Variants in RBMS3 observed in about 807,000 individuals in gnomAD.
RBMS3 encodes the protein RNA binding motif single stranded interacting protein 3, also known as RNA-binding motif, single-stranded-interacting protein 3.
RBMS3 carries 27 observed loss-of-function variants against 66.8 expected under a neutral mutation model. That is an observed-to-expected ratio of 0.40 (90% CI 0.30 to 0.56). RBMS3 has a LOEUF of 0.56. RBMS3 is among the 20% of genes least tolerant of loss of function. The pLI is 0.40. For missense variants in RBMS3, 513 were observed against 549.5 expected (o/e 0.93, Z 0.66); for synonymous variants, 188 against 183.0 (o/e 1.03, Z -0.22).
At chr3:29,532,594 G>A (rs2045408139) in intron 3 of RBMS3, among the ~76,000 whole-genome samples, 1 of 152,086 alleles carries the variant, frequency 6.6e-6, no homozygotes, top group Admixed American at 6.6e-5. Context: ...AGCCAGGCAT[G>A]GTGGTGTGTG....
chr3:29,555,247 A>C (rs752558205), intron 3 of RBMS3, among the ~76,000 whole-genome samples: 2 of 152,240 alleles, frequency 1.3e-5, no homozygotes, highest in Non-Finnish European at 2.9e-5. Context: ...AATAGTGCAT[A>C]GCATTTGGTG....
chr3:29,489,495 C>T (rs1029955315), intron 3 of RBMS3, among the ~76,000 whole-genome samples: 1 of 151,518 alleles, frequency 6.6e-6, no homozygotes, highest in Non-Finnish European at 1.5e-5. Context: ...TAAAAAGACA[C>T]CAAGAAAACC....
At chr3:29,380,831 C>T (rs943324213) in intron 1 of RBMS3, among the ~76,000 whole-genome samples, 17 of 152,038 alleles carry the variant, frequency 1.1e-4, no homozygotes, top group Non-Finnish European at 2.4e-4. Flanking sequence ...ACCTATAGAC[C>T]ACTTTGAGTG....
chr3:29,968,834 G>A (rs918615168), intron 12 of RBMS3, among the ~76,000 whole-genome samples: 1 of 152,186 alleles, frequency 6.6e-6, no homozygotes, highest in Non-Finnish European at 1.5e-5. Flanking sequence ...TGCTCTGTCC[G>A]GAGCTGCAAT....
chr3:29,609,357 GAA>G (rs2048418308), intron 4 of RBMS3, among the ~76,000 whole-genome samples: 1 of 151,886 alleles, frequency 6.6e-6, no homozygotes, highest in Non-Finnish European at 1.5e-5. Flanking sequence ...CTCAATGAAA[GAA>G]CTGATGAAAG....
chr3:29,884,464 CT>C (rs2059816517), intron 8 of RBMS3, among the ~76,000 whole-genome samples: 1 of 113,510 alleles, frequency 8.8e-6, no homozygotes, highest in African/African-American at 3.0e-5. Flanking sequence ...CTCTCTCTCT[CT>C]CTCTCCCCCC....
chr3:29,611,443 T>C (rs1425090209), intron 4 of RBMS3, among the ~76,000 whole-genome samples: 1 of 151,978 alleles, frequency 6.6e-6, no homozygotes, highest in African/African-American at 2.4e-5. Flanking sequence ...TCACAGTATA[T>C]GACAGAATGT....
At chr3:29,724,823 C>T (rs1457000618) in intron 4 of RBMS3, among the ~76,000 whole-genome samples, 10 of 152,014 alleles carry the variant, frequency 6.6e-5, no homozygotes, top group African/African-American at 2.4e-4. Context: ...TTCTTCGTTG[C>T]CCTAATGTGT....
rs796689059 is a variant in RBMS3, at chr3:29,805,740, A to G, written c.637+42751A>G. 3.9e-5 allele frequency among the ~76,000 whole-genome samples: 6 copies of G among 152,208 alleles called. 1 individual carries two copies. Among genetic ancestry groups the G allele is most frequent in the African/African-American group, 1.4e-4 (6 of 41,578 alleles). ...GTACAATGTGTTTGTGTTTTAAGCT[A>G]AATGTGATTACTAAAGAGTCAAAAT... On this transcript the variant is annotated intron_variant, in intron 6 of 14. Transcript: ENST00000383767.
At chr3:29,522,396 G>T (rs974822828) in intron 3 of RBMS3, among the ~76,000 whole-genome samples, 2 of 152,058 alleles carry the variant, frequency 1.3e-5, no homozygotes, top group Non-Finnish European at 2.9e-5. Context: ...GTTTTATCAC[G>T]TTGGCCAGGC....
At chr3:29,310,500 C>T (rs924183115) in intron 1 of RBMS3, among the ~76,000 whole-genome samples, 3 of 141,686 alleles carry the variant, frequency 2.1e-5, no homozygotes, top group Non-Finnish European at 4.7e-5. Flanking sequence ...AGATTTCAAT[C>T]TTCTGTATTT....
intron 2 of RBMS3, among the ~76,000 whole-genome samples, chr3:29,470,245 T>C (rs1025511095): frequency 1.3e-5 from 2 of 151,930 alleles, no homozygotes; most frequent in Non-Finnish European, 2.9e-5. Context: ...TGTTTTAAAA[T>C]TGCAATTTGA....
intron 6 of RBMS3, among the ~76,000 whole-genome samples, chr3:29,866,099 A>C (rs1250250075): frequency 2.0e-5 from 3 of 150,466 alleles, no homozygotes; most frequent in Non-Finnish European, 3.0e-5. Context: ...AAAAAAAAAA[A>C]TTCCTCTTCT....
At chr3:29,704,571 C>G (rs373902519) in intron 4 of RBMS3, among the ~76,000 whole-genome samples, 24 of 152,082 alleles carry the variant, frequency 1.6e-4, no homozygotes, top group African/African-American at 5.3e-4. Flanking sequence ...ATACTACTGC[C>G]TGTTTTATAG....
At chr3:29,317,316 C>G (rs1272248450) in intron 1 of RBMS3, among the ~76,000 whole-genome samples, 2 of 151,708 alleles carry the variant, frequency 1.3e-5, no homozygotes, top group African/African-American at 2.4e-5. Flanking sequence ...TATATTTTTT[C>G]TATGTCCAGA....
intron 1 of RBMS3, among the ~76,000 whole-genome samples, chr3:29,358,597 C>T (rs1451794906): frequency 6.6e-6 from 1 of 152,090 alleles, no homozygotes; most frequent in Admixed American, 6.6e-5. Context: ...TCATTGGTAG[C>T]TTGATGGGGA....
chr3:29,660,609 G>A (rs997127430), intron 4 of RBMS3, among the ~76,000 whole-genome samples: 6 of 151,428 alleles, frequency 4.0e-5, no homozygotes, highest in African/African-American at 1.5e-4. Flanking sequence ...GGTTAGCTGG[G>A]TTTTTTTTTA....
At chr3:29,502,919 C>A (rs1179477360) in intron 3 of RBMS3, among the ~76,000 whole-genome samples, 1 of 152,020 alleles carries the variant, frequency 6.6e-6, no homozygotes, top group East Asian at 1.9e-4. Flanking sequence ...AGAGCAAATG[C>A]TCTCTTTCAT....
At chr3:29,606,263 G>C (rs1023367247) in intron 4 of RBMS3, among the ~76,000 whole-genome samples, 1 of 151,814 alleles carries the variant, frequency 6.6e-6, no homozygotes, top group Non-Finnish European at 1.5e-5. Flanking sequence ...GATGTTTAAA[G>C]ACCCTATTAT....
Sources: allele counts gnomAD v4.1 joint callset (sites outside exome capture counted in the v4.1 genomes callset), GRCh38; gene constraint gnomAD v4.1.1; transcripts MANE v1.5; gene names NCBI Gene and HGNC (gene_info 2026-07-23, HGNC 2026-07-21).